Variants in HS3ST5 observed in about 807,000 individuals in gnomAD.
HS3ST5 encodes the protein heparan sulfate glucosamine 3-O-sulfotransferase 5.
In HS3ST5, 10 loss-of-function variants were observed where a neutral mutation model predicts 25.4. That is an observed-to-expected ratio of 0.39 (90% CI 0.24 to 0.67). The LOEUF is 0.67. Ranked by LOEUF, HS3ST5 falls within the 30% of genes least tolerant of loss-of-function variation. The probability of loss-of-function intolerance (pLI) is 0.44; values close to 1 mark genes in which losing one functional copy is unlikely to be tolerated. For missense variants in HS3ST5, 324 were observed against 420.7 expected, an observed-to-expected ratio of 0.77 and a Z score of 2.01; for synonymous variants, 170 against 162.4, an observed-to-expected ratio of 1.05 and a Z score of -0.36.
intron 1 of HS3ST5, 44 bp from the exon 2 acceptor site, chr6:114,228,822 T>C (rs936892151): frequency 6.6e-6 from 1 of 152,172 alleles, no homozygotes; most frequent in Non-Finnish European, 1.5e-5. Context: ...CTGTAATTCA[T>C]AGAGAATCTG....
chr6:114,210,460 G>A (rs1582718811), intron 2 of HS3ST5, among the ~76,000 whole-genome samples: 1 of 152,198 alleles, frequency 6.6e-6, no homozygotes, highest in African/African-American at 2.4e-5. Context: ...CAGCGGCAAT[G>A]TGAACATCAA....
At chr6:114,289,372 A>C (rs1774473568) in intron 1 of HS3ST5, among the ~76,000 whole-genome samples, 1 of 152,122 alleles carries the variant, frequency 6.6e-6, no homozygotes, top group Non-Finnish European at 1.5e-5. Context: ...ACATGAAAAT[A>C]TTATATGTTC....
chr6:114,256,492 C>A (rs544897576), intron 1 of HS3ST5, among the ~76,000 whole-genome samples: 1 of 152,138 alleles, frequency 6.6e-6, no homozygotes, highest in East Asian at 1.9e-4. Flanking sequence ...CTGACAGATA[C>A]CCTAAATCAT....
intron 3 of HS3ST5, among the ~76,000 whole-genome samples, chr6:114,151,880 C>A (rs62415763): frequency 0.071 from 10,861 of 152,166 alleles, 444 homozygotes; most frequent in African/African-American, 0.091. Context: ...ATTGCCTATT[C>A]TTTGTGGCTA....
At chr6:114,199,357 A>G (rs1338253717) in intron 2 of HS3ST5, among the ~76,000 whole-genome samples, 1 of 152,186 alleles carries the variant, frequency 6.6e-6, no homozygotes, top group Non-Finnish European at 1.5e-5. Flanking sequence ...TGTTTGGTCA[A>G]TGTGGCTTTT....
At chr6:114,265,783 G>C (rs1232237853) in intron 1 of HS3ST5, among the ~76,000 whole-genome samples, 2 of 151,966 alleles carry the variant, frequency 1.3e-5, no homozygotes, top group Admixed American at 1.3e-4. Flanking sequence ...TCTCTTTCCT[G>C]GTTCTTTTCT....
chr6:114,270,933 T>G (rs1407665461), intron 1 of HS3ST5, among the ~76,000 whole-genome samples: 1 of 151,794 alleles, frequency 6.6e-6, no homozygotes, highest in Non-Finnish European at 1.5e-5. Flanking sequence ...TAATTTTGTT[T>G]AGGTTCCATG....
chr6:114,120,218 A>G (rs111665883), intron 3 of HS3ST5, among the ~76,000 whole-genome samples: 1,928 of 152,206 alleles, frequency 0.013, 30 homozygotes, highest in African/African-American at 0.041. Flanking sequence ...ACAAGCCCCC[A>G]GTAGCATTTA....
At chr6:114,083,789 A>G (rs901695313) in intron 3 of HS3ST5, among the ~76,000 whole-genome samples, 2 of 152,046 alleles carry the variant, frequency 1.3e-5, no homozygotes, top group Admixed American at 1.3e-4. Context: ...CTTCTCCATT[A>G]TCTCTATTAT....
In HS3ST5 at chr6:114,079,326, A is replaced by G. The variant is rs545445662; in HGVS notation, c.-32-16449T>C. The stretch of plus-strand genomic sequence containing the variant: ...CTCAAAATGTGTCTCTACTTTATCA[A>G]TGAAGTTTATGTAATATTCTAAACC... On this transcript the variant is annotated intron_variant, in intron 3 of 4. Coordinates refer to ENST00000312719, the MANE Select transcript of HS3ST5 (RefSeq NM_153612.4). Among the ~76,000 whole-genome samples, 21 of 152,364 alleles carry G rather than the reference A, an allele frequency of 1.4e-4. No homozygotes were observed. In the East Asian group the frequency reaches 2.3e-3, roughly 17 times the overall value.
intron 3 of HS3ST5, among the ~76,000 whole-genome samples, chr6:114,116,393 CCT>C (rs1562203146): frequency 6.6e-6 from 1 of 152,052 alleles, no homozygotes; most frequent in African/African-American, 2.4e-5. Flanking sequence ...TTCTAGTTTG[CCT>C]AGGTTATGGG....
intron 3 of HS3ST5, among the ~76,000 whole-genome samples, chr6:114,067,606 A>C (rs975868839): frequency 3.9e-5 from 6 of 152,110 alleles, no homozygotes; most frequent in African/African-American, 1.2e-4. Context: ...TGTGCCTGAG[A>C]TGCCTTAAAT....
intron 2 of HS3ST5, among the ~76,000 whole-genome samples, chr6:114,170,812 A>T (rs966502303): frequency 2.6e-5 from 4 of 152,220 alleles, no homozygotes; most frequent in Non-Finnish European, 5.9e-5. Flanking sequence ...GTATTTAATT[A>T]AAATGGTTAT....
chr6:114,229,807 G>C (rs907581642), intron 1 of HS3ST5, among the ~76,000 whole-genome samples: 2 of 152,166 alleles, frequency 1.3e-5, no homozygotes, highest in African/African-American at 2.4e-5. Flanking sequence ...TTTCGGGATA[G>C]AGCAGCTGTC....
chr6:114,156,856 CT>C (rs1444574473), intron 3 of HS3ST5, among the ~76,000 whole-genome samples: 1 of 152,158 alleles, frequency 6.6e-6, no homozygotes, highest in African/African-American at 2.4e-5. Flanking sequence ...TTAAATATGG[CT>C]TTTCCTCAGG....
At position 114,309,792 on chromosome 6, in the gene HS3ST5, A is replaced by G. The variant is rs79908026; in HGVS notation, c.-339+32403T>C. 9.2e-3 allele frequency among the ~76,000 whole-genome samples: 1,403 copies of G among 152,334 alleles called. 17 individuals are homozygous for G. Among genetic ancestry groups the G allele is most frequent in the African/African-American group, 0.032 (1,327 of 41,566 alleles). ...TCCTTTTGTGTTAAATTTTTTAAAT[A>G]TGAGAAATAAAACACTGAAAAATAT... On this transcript the variant is annotated intron_variant, in intron 1 of 4. Coordinates refer to ENST00000312719, the MANE Select transcript of HS3ST5 (RefSeq NM_153612.4).
At chr6:114,229,800 C>T (rs557595310) in intron 1 of HS3ST5, among the ~76,000 whole-genome samples, 4 of 152,266 alleles carry the variant, frequency 2.6e-5, no homozygotes, top group South Asian at 2.1e-4. Context: ...ATGATGCTTT[C>T]GGGATAGAGC....
chr6:114,225,058 T>G (rs1296302441), intron 2 of HS3ST5, among the ~76,000 whole-genome samples: 2 of 151,700 alleles, frequency 1.3e-5, no homozygotes, highest in African/African-American at 2.4e-5. Flanking sequence ...GTTGGGCAGG[T>G]CATAAAACCT....
At chr6:114,302,130 T>C (rs765102435) in intron 1 of HS3ST5, among the ~76,000 whole-genome samples, 2 of 152,170 alleles carry the variant, frequency 1.3e-5, no homozygotes, top group South Asian at 4.1e-4. Context: ...ACAAACTCAA[T>C]TTTTCAGTTT....
Sources: gnomAD v4.1 joint callset for allele counts (sites outside exome capture counted in the v4.1 genomes callset) on GRCh38, gnomAD v4.1.1 for gene constraint, MANE v1.5 for transcripts, NCBI Gene and HGNC (gene_info 2026-07-23, HGNC 2026-07-21) for gene names.